Variants in HYCC2 observed in about 807,000 individuals in gnomAD.
HYCC2 encodes hyccin PI4KA lipid kinase complex subunit 2.
At chr2:201,027,109 C>T in the HYCC2 span, among the ~76,000 whole-genome samples, 4 of 151,884 alleles carry the variant, frequency 2.6e-5, no homozygotes, top group Non-Finnish European at 5.9e-5. Flanking sequence ...CAAATAGATG[C>T]AATAAAAAAT....
the HYCC2 span, chr2:200,997,464 G>A: frequency 2.5e-6 from 4 of 1,609,942 alleles, no homozygotes; most frequent in Non-Finnish European, 3.4e-6. Flanking sequence ...ATCCGACAAA[G>A]AGATTGGTAA....
At chr2:201,001,960 C>T in the HYCC2 span, among the ~76,000 whole-genome samples, 3 of 152,172 alleles carry the variant, frequency 2.0e-5, no homozygotes, top group African/African-American at 7.2e-5. Flanking sequence ...GCATGAGCCA[C>T]TGTGCCTGGC....
At chr2:200,977,837 G>A in the HYCC2 span, 9 of 152,186 alleles carry the variant, frequency 5.9e-5, no homozygotes, top group African/African-American at 2.2e-4. Flanking sequence ...AGAGGACAGA[G>A]TGAGACCCTA....
the HYCC2 span, among the ~76,000 whole-genome samples, chr2:200,987,884 T>G: frequency 7.9e-5 from 12 of 152,310 alleles, no homozygotes; most frequent in East Asian, 3.9e-4. Context: ...AATCATTTTA[T>G]GAATAGCTTG....
the HYCC2 span, among the ~76,000 whole-genome samples, chr2:201,001,478 T>TA: frequency 6.6e-6 from 1 of 152,182 alleles, no homozygotes; most frequent in Non-Finnish European, 1.5e-5. Context: ...AAATGTGGTA[T>TA]ATCCACACAA....
chr2:201,054,145 C>T, the HYCC2 span, among the ~76,000 whole-genome samples: 1 of 152,188 alleles, frequency 6.6e-6, no homozygotes, highest in Non-Finnish European at 1.5e-5. Flanking sequence ...CAGGAATAAT[C>T]GGAGAAGCCC....
the HYCC2 span, among the ~76,000 whole-genome samples, chr2:200,989,576 G>A: frequency 1.6e-4 from 24 of 152,162 alleles, no homozygotes; most frequent in African/African-American, 5.8e-4. Flanking sequence ...ACTTTGAGAG[G>A]CTGAAGCAGG....
At chr2:201,040,151 G>A in the HYCC2 span, among the ~76,000 whole-genome samples, 12 of 148,242 alleles carry the variant, frequency 8.1e-5, no homozygotes, top group South Asian at 2.1e-4. Flanking sequence ...CTAGCCTGGC[G>A]ACAGAGTGAG....
the HYCC2 span, among the ~76,000 whole-genome samples, chr2:201,036,644 C>A: frequency 1.3e-5 from 2 of 152,156 alleles, no homozygotes; most frequent in Non-Finnish European, 1.5e-5. Context: ...AAGACAAAAA[C>A]CACATGATTA....
the HYCC2 span, chr2:200,996,281 C>G: frequency 1.3e-5 from 2 of 152,186 alleles, no homozygotes; most frequent in Non-Finnish European, 2.9e-5. Flanking sequence ...GGCCTCCCAT[C>G]ATGCTGGGAT....
the HYCC2 span, among the ~76,000 whole-genome samples, chr2:200,984,091 G>A: frequency 6.6e-6 from 1 of 151,922 alleles, no homozygotes; most frequent in African/African-American, 2.4e-5. Flanking sequence ...ATAGGCTGGA[G>A]TGCAGTGGCA....
At chr2:201,038,959 G>A in the HYCC2 span, among the ~76,000 whole-genome samples, 11 of 151,822 alleles carry the variant, frequency 7.2e-5, no homozygotes, top group Middle Eastern at 6.8e-3. Flanking sequence ...AAAGACAAGC[G>A]TATAAGGTCT....
At chr2:201,027,856 C>T in the HYCC2 span, among the ~76,000 whole-genome samples, 1 of 152,182 alleles carries the variant, frequency 6.6e-6, no homozygotes, top group Admixed American at 6.5e-5. Flanking sequence ...CAGCCAATAT[C>T]ATACTGAATG....
chr2:201,063,256 C>T, the HYCC2 span: 1 of 1,588,300 alleles, frequency 6.3e-7, no homozygotes, highest in South Asian at 1.1e-5. Context: ...GCTCCACGGG[C>T]TTTGGGTTTG....
chr2:201,017,640 TAA>T, the HYCC2 span, among the ~76,000 whole-genome samples: 1 of 152,214 alleles, frequency 6.6e-6, no homozygotes, highest in Non-Finnish European at 1.5e-5. Context: ...CAGAATTTTC[TAA>T]GAGTCATGCT....
At chr2:200,998,413 C>A in the HYCC2 span, among the ~76,000 whole-genome samples, 435 of 152,294 alleles carry the variant, frequency 2.9e-3, no homozygotes, top group Non-Finnish European at 4.9e-3. Context: ...CTTCTTAATT[C>A]TCTCTGCTAA....
the HYCC2 span, among the ~76,000 whole-genome samples, chr2:201,042,158 G>A: frequency 3.9e-5 from 6 of 152,216 alleles, no homozygotes; most frequent in East Asian, 7.7e-4. Flanking sequence ...GGGTTTCGCC[G>A]TGTTGGCCGG....
the HYCC2 span, chr2:200,977,703 T>C: frequency 6.6e-6 from 1 of 152,040 alleles, no homozygotes; most frequent in Non-Finnish European, 1.5e-5. Flanking sequence ...ATACAAAAAT[T>C]AGCCAGGTGT....
At chr2:201,033,023 G>A in the HYCC2 span, among the ~76,000 whole-genome samples, 1 of 146,606 alleles carries the variant, frequency 6.8e-6, no homozygotes, top group Non-Finnish European at 1.5e-5. Context: ...CAAGGCATTT[G>A]TTTTTTTTTT....
Sources: allele counts gnomAD v4.1 joint callset (sites outside exome capture counted in the v4.1 genomes callset), GRCh38; gene constraint gnomAD v4.1.1; transcripts MANE v1.5; gene names NCBI Gene and HGNC (gene_info 2026-07-23, HGNC 2026-07-21).